The following MEIS1 variants were observed in gnomAD, a reference collection of about 807,000 sequenced individuals.
MEIS1 encodes homeobox protein Meis1.
A neutral mutation model predicts 50.8 loss-of-function variants in MEIS1; 5 were observed. The ratio of observed to expected loss-of-function variants is 0.10; its 90% CI spans 0.05 to 0.21. The LOEUF (loss-of-function observed/expected upper bound fraction) is 0.21, where lower values mean the gene tolerates loss of function less well. Among genes scored for constraint, MEIS1 ranks in the 10% least tolerant of loss-of-function variants. MEIS1 has a pLI of 1.00. For synonymous variants in MEIS1, 176 were observed against 179.3 expected (o/e 0.98, Z 0.15); for missense variants, 318 against 517.3 (o/e 0.61, Z 3.74).
rs1028004495 is a variant in MEIS1, at chr2:66,531,365, C to G, written c.889-16578C>G. Among the ~76,000 whole-genome samples, 3 of 152,334 alleles carry G rather than the reference C, an allele frequency of 2.0e-5. 1 individual carries two copies. The South Asian group carries it at 6.2e-4, about 32-fold the overall frequency. On this transcript the variant is annotated intron_variant, in intron 8 of 12. Transcript: ENST00000272369. ...AGTGTGATCATCAGGTCACAGATGA[C>G]TCATGTGAAGTCTCTGTTTAAATAG...
Position 66,560,594 on chromosome 2 carries a change from AAAAG to A in MEIS1, c.966-6851_966-6848del, listed in dbSNP as rs1307151804. Among the ~76,000 whole-genome samples, 6 of 151,992 alleles carry A rather than the reference AAAAG, an allele frequency of 3.9e-5. No homozygotes were observed. The East Asian group carries it at 1.2e-3, about 29-fold the overall frequency. Reference sequence around the variant, plus strand: ...GTGAGACTCTGTCTCAAAAAAAAAAAAAAGAAAGAAAAGAAAAGAAAATTGTATA... The same window carrying A: ...GTGAGACTCTGTCTCAAAAAAAAAAAAAAGAAAAGAAAAGAAAATTGTATA... On this transcript the variant is annotated intron_variant, in intron 9 of 12. Coordinates refer to ENST00000272369, the MANE Select transcript of MEIS1 (RefSeq NM_002398.3).
intron 9 of MEIS1, among the ~76,000 whole-genome samples, chr2:66,556,491 C>T (rs886274125): frequency 6.9e-6 from 1 of 144,224 alleles, no homozygotes; most frequent in African/African-American, 2.6e-5. Context: ...GATAAAGTCA[C>T]TTTTTTTTTT....
chr2:66,437,092 C>A, intron 1 of MEIS1: 1 of 372,550 alleles, frequency 2.7e-6, no homozygotes, highest in Non-Finnish European at 3.7e-6. Flanking sequence ...CTCTGATGTT[C>A]AGGAAAAGCT....
At chr2:66,497,010 C>T (rs6722685) in intron 7 of MEIS1, among the ~76,000 whole-genome samples, 80,505 of 152,006 alleles carry the variant, frequency 0.53, 23,507 homozygotes, top group Non-Finnish European at 0.65. Context: ...GTACATGCTT[C>T]GGTGTCTCTT....
At chr2:66,482,515 TTCTC>T (rs781014730) in intron 7 of MEIS1, among the ~76,000 whole-genome samples, 8 of 152,310 alleles carry the variant, frequency 5.3e-5, no homozygotes, top group South Asian at 2.1e-4. Context: ...TGTCTACCAG[TTCTC>T]TCTCTCTGTC....
At chr2:66,483,448 A>G (rs969596643) in intron 7 of MEIS1, among the ~76,000 whole-genome samples, 3 of 152,068 alleles carry the variant, frequency 2.0e-5, no homozygotes, top group African/African-American at 7.2e-5. Flanking sequence ...CCAAATATAT[A>G]TTTATTTTAC....
intron 8 of MEIS1, among the ~76,000 whole-genome samples, chr2:66,533,693 T>C (rs182443525): frequency 1.3e-5 from 2 of 152,228 alleles, no homozygotes; most frequent in African/African-American, 4.8e-5. Context: ...ATGTGTAAAT[T>C]CTCCTCATAA....
intron 6 of MEIS1, among the ~76,000 whole-genome samples, chr2:66,446,441 C>T (rs1010802694): frequency 1.3e-5 from 2 of 152,124 alleles, no homozygotes; most frequent in Non-Finnish European, 2.9e-5. Flanking sequence ...GGGCCGCCTC[C>T]CGGGGTGGCC....
At position 66,571,510 on chromosome 2, in the gene MEIS1, T is replaced by C. The variant is rs764053378; in HGVS notation, c.*302T>C. On this transcript the variant is annotated 3_prime_UTR_variant, in exon 13 of 13. Coordinates refer to ENST00000272369, the MANE Select transcript of MEIS1 (RefSeq NM_002398.3). ...GACCCAACAATGAGTGGACAAGTCA[T>C]GGACATTCATGCTCAGTAGCTTAAG... 3.8e-6 allele frequency: 6 copies of C among 1,572,150 alleles called. No homozygotes were observed. Among genetic ancestry groups the C allele is most frequent in the East Asian group, 2.3e-5 (1 of 42,582 alleles).
Position 66,567,620 on chromosome 2 carries a change from A to T in MEIS1, c.1024+109A>T, listed in dbSNP as rs748421664. On this transcript the variant is annotated intron_variant, in intron 10 of 12. Transcript: ENST00000272369. Reference sequence around the variant, plus strand: ...AAATAAACTGGGAGTGAGTATAGGAACGCCTGGCAATTAAAATTAAACCAG... The same window carrying T: ...AAATAAACTGGGAGTGAGTATAGGATCGCCTGGCAATTAAAATTAAACCAG... 41 of 938,942 alleles carry T rather than the reference A, an allele frequency of 4.4e-5. 1 individual carries two copies. The South Asian group carries it at 5.5e-4, about 13-fold the overall frequency. The allele number at this position is 938,942 out of a possible 1,614,324, so 58.2% of individuals were successfully genotyped here.
At chr2:66,532,924 C>A (rs1674429294) in intron 8 of MEIS1, among the ~76,000 whole-genome samples, 1 of 152,032 alleles carries the variant, frequency 6.6e-6, no homozygotes. Context: ...TTTAAGAGAA[C>A]TAAAAAAGAA....
intron 9 of MEIS1, among the ~76,000 whole-genome samples, chr2:66,554,531 G>A (rs188947287): frequency 9.9e-5 from 15 of 152,284 alleles, no homozygotes; most frequent in Admixed American, 5.2e-4. Context: ...CACAGGGCAA[G>A]TATGGGAAGG....
intron 9 of MEIS1, among the ~76,000 whole-genome samples, chr2:66,561,221 C>CTTAAAAGTTA (rs1296671965): frequency 6.6e-6 from 1 of 151,672 alleles, no homozygotes; most frequent in Admixed American, 6.6e-5. Flanking sequence ...TAAAACATGC[C>CTTAAAAGTTA]TTAAAAGTTA....
intron 7 of MEIS1, among the ~76,000 whole-genome samples, chr2:66,505,743 T>G (rs1163562894): frequency 6.6e-6 from 1 of 152,244 alleles, no homozygotes; most frequent in Non-Finnish European, 1.5e-5. Context: ...TAAATGATTT[T>G]AAATTATAAT....
intron 9 of MEIS1, among the ~76,000 whole-genome samples, chr2:66,555,575 C>A (rs1204619589): frequency 6.6e-6 from 1 of 152,152 alleles, no homozygotes; most frequent in East Asian, 1.9e-4. Context: ...TAGGTCTATT[C>A]TTGTCAAATA....
At chr2:66,518,784 C>T (rs1674035509) in intron 8 of MEIS1, among the ~76,000 whole-genome samples, 1 of 152,142 alleles carries the variant, frequency 6.6e-6, no homozygotes, top group South Asian at 2.1e-4. Context: ...TTTCTTTCTT[C>T]ATGTTTAAGA....
At chr2:66,462,269 A>G (rs1163945929) in intron 6 of MEIS1, among the ~76,000 whole-genome samples, 1 of 152,140 alleles carries the variant, frequency 6.6e-6, no homozygotes, top group African/African-American at 2.4e-5. Flanking sequence ...TTTTCTATTA[A>G]TTACCAGTCA....
At chr2:66,506,183 T>G (rs1214565401) in intron 7 of MEIS1, among the ~76,000 whole-genome samples, 1 of 152,178 alleles carries the variant, frequency 6.6e-6, no homozygotes, top group Non-Finnish European at 1.5e-5. Context: ...ATAAACAGTT[T>G]TAGCAGAGTG....
Position 66,542,282 on chromosome 2 carries a change from AT to A in MEIS1, c.889-5649del, listed in dbSNP as rs902176560. 4.2e-3 allele frequency among the ~76,000 whole-genome samples: 618 copies of A among 147,856 alleles called. 1 individual carries two copies. Among genetic ancestry groups the A allele is most frequent in the East Asian group, 0.014 (70 of 5,050 alleles). On this transcript the variant is annotated intron_variant, in intron 8 of 12. Transcript: ENST00000272369. ...CTAATAGTTAAAAACCATATGGTAG[AT>A]TTTTTTTTTTTCTTTAAAGGGAGTA...
Sources: gnomAD v4.1 joint callset for allele counts (sites outside exome capture counted in the v4.1 genomes callset) on GRCh38, gnomAD v4.1.1 for gene constraint, MANE v1.5 for transcripts, NCBI Gene and HGNC (gene_info 2026-07-23, HGNC 2026-07-21) for gene names.